LIX1L: variants seen among roughly 807,000 people sequenced by gnomAD.
The protein encoded by LIX1L is LIX1-like protein.
LIX1L carries 20 observed loss-of-function variants against 34.0 expected under a neutral mutation model. The observed-to-expected ratio is 0.59, with a 90% CI of 0.41 to 0.85. The LOEUF is 0.85. LIX1L is among the 40% of genes least tolerant of loss of function. The probability of loss-of-function intolerance (pLI) is 0.00; values close to 1 mark genes in which losing one functional copy is unlikely to be tolerated. For synonymous variants in LIX1L, 170 were observed against 187.4 expected (o/e 0.91, Z 0.76); for missense variants, 397 against 447.0 (o/e 0.89, Z 1.01).
At chr1:145,953,844 A>G (rs1649380001) in intron 1 of LIX1L, among the ~76,000 whole-genome samples, 1 of 152,168 alleles carries the variant, frequency 6.6e-6, no homozygotes, top group Non-Finnish European at 1.5e-5. Context: ...ACTTGAGGCC[A>G]GGAGTTCAAG....
At chr1:145,946,236 T>C (rs1649103122) in intron 2 of LIX1L, among the ~76,000 whole-genome samples, 1 of 150,292 alleles carries the variant, frequency 6.7e-6, no homozygotes, top group South Asian at 2.1e-4. Flanking sequence ...TCTCACTCTG[T>C]TGCCCAGGCT....
intron 2 of LIX1L, among the ~76,000 whole-genome samples, chr1:145,946,200 C>CT (rs5777570): frequency 0.14 from 19,786 of 137,994 alleles, 2,538 homozygotes; most frequent in African/African-American, 0.33. Flanking sequence ...GACTGAAGTT[C>CT]TTTTTTTTTT....
At position 145,948,050 on chromosome 1, in the gene LIX1L, A is replaced by G. The variant is rs1553759445; in HGVS notation, c.293-268T>C. On this transcript the variant is annotated intron_variant, in intron 1 of 5. Coordinates refer to ENST00000604000, the MANE Select transcript of LIX1L (RefSeq NM_153713.3). This position sits in a 1 kb window ranked among gnomAD's most constrained non-coding sequence, Gnocchi z 4.0. ...AAATTTTTTTTTCACTCCCACCTCCAATCTGAATAGTTCACATTTTAACTT... is the reference window on the plus strand; with the variant it reads ...AAATTTTTTTTTCACTCCCACCTCCGATCTGAATAGTTCACATTTTAACTT... Among the ~76,000 whole-genome samples, 1 of 152,156 alleles carries G rather than the reference A, an allele frequency of 6.6e-6. No homozygotes were observed. The highest frequency in any genetic ancestry group is 1.9e-4 in the East Asian group (1 of 5,206).
Position 145,948,874 on chromosome 1 carries a change from C to G in LIX1L, c.293-1092G>C, listed in dbSNP as rs1649196276. The stretch of plus-strand genomic sequence containing the variant: ...CTTGCTTCAGCTTGTTGTAAAATGG[C>G]AAGTTCCCCAAGCTGTGGGTTCTAT... On this transcript the variant is annotated intron_variant, in intron 1 of 5. Transcript: ENST00000604000. The surrounding 1 kb of genome is among the most constrained non-coding windows in gnomAD (Gnocchi z 4.0). 1 of 152,194 alleles carries G rather than the reference C, an allele frequency of 6.6e-6. No individual in the cohort carries two copies. The highest frequency in any genetic ancestry group is 1.5e-5 in the Non-Finnish European group (1 of 68,044). 9.4% of individuals were successfully genotyped at this position (152,194 alleles called of 1,614,324 possible).
chr1:145,957,714 C>T lies in LIX1L; in HGVS notation c.214G>A (p.Gly72Ser). 4.0e-6 allele frequency: 6 copies of T among 1,488,058 alleles called. No individual in the cohort carries two copies. Among genetic ancestry groups the T allele is most frequent in the Non-Finnish European group, 4.4e-6 (5 of 1,124,288 alleles). The allele number at this position is 1,488,058 out of a possible 1,614,324, so 92.2% of individuals were successfully genotyped here. The change falls in exon 1 of 6, where the codon GGC becomes AGC. Residue 72 changes from glycine to serine, a missense_variant. Around this residue, in one of 3 missense-constraint regions of LIX1L, gnomAD observed 207 missense variants for 205.2 expected, o/e 1.01. Transcript: ENST00000604000. ...GCCTCTCGCAGCACTGCCGGGCTGC[C>T]GGCGGCGCCGGGGGGCAGGGGTAGT... is the stretch of plus-strand genomic sequence containing the variant. ...PGLPLPPGAA[G>S]SPAVLREAVE...
At position 145,937,616 on chromosome 1, in the gene LIX1L, C is replaced by T; in HGVS notation, c.681G>A (p.Met227Ile). The change falls in exon 4 of 6, where the codon ATG becomes ATA. Residue 227 changes from methionine (M) to isoleucine (I), a missense_variant. Around this residue, in one of 3 missense-constraint regions of LIX1L, gnomAD observed 174 missense variants for 204.0 expected, o/e 0.85. Transcript: ENST00000604000. ...CATGGGAAAGTACCTGGAACTCCAA[C>T]ATTGATTTGCCCTTGTTGGATTCCA... ...FMLESNKGKS[M>I]LEFQELMTVF... is the part of the protein sequence containing the mutation. The T allele has an allele frequency of 6.2e-7, 1 of 1,612,146 alleles. No homozygotes were observed. The highest frequency in any genetic ancestry group is 8.5e-7 in the Non-Finnish European group (1 of 1,178,414).
Position 145,935,715 on chromosome 1 carries a change from A to G in LIX1L, c.*595T>C, listed in dbSNP as rs1648612889. On this transcript the variant is annotated 3_prime_UTR_variant, in exon 6 of 6. Transcript: ENST00000604000. Reference sequence around the variant, plus strand: ...TTTGTAATTTATCTTGTCCCTGGGCAGTTTCTTAGGAGGGGTTTCAGAAGC... The same window carrying G: ...TTTGTAATTTATCTTGTCCCTGGGCGGTTTCTTAGGAGGGGTTTCAGAAGC... The G allele has an allele frequency of 6.5e-6, 1 of 153,840 alleles. No homozygotes were observed. The highest frequency in any genetic ancestry group is 2.4e-5 in the African/African-American group (1 of 41,482). The allele number at this position is 153,840 out of a possible 1,614,324, so 9.5% of individuals were successfully genotyped here. A position where few individuals can be genotyped will look rare whatever the true frequency, so the allele number is the denominator to read the frequency against.
rs371495713 is a variant in LIX1L at position 145,942,937 on chromosome 1, T to C, written c.457-84A>G. On this transcript the variant is annotated intron_variant, in intron 2 of 5. Coordinates refer to ENST00000604000, the MANE Select transcript of LIX1L (RefSeq NM_153713.3). ...AACAGTGGGAGGGAAACACTTCAGA[T>C]AGAAAACACTTGGACGCTCTTTGGA... 45 of 1,323,104 alleles carry C rather than the reference T, an allele frequency of 3.4e-5. No individual in the cohort carries two copies. In the Admixed American group the frequency reaches 3.4e-4, roughly 10 times the overall value. The allele number at this position is 1,323,104 out of a possible 1,614,324, so 82.0% of individuals were successfully genotyped here.
At chr1:145,951,714 C>T (rs587737090) in intron 1 of LIX1L, among the ~76,000 whole-genome samples, 1 of 152,308 alleles carries the variant, frequency 6.6e-6, no homozygotes, top group East Asian at 1.9e-4. Flanking sequence ...CTCCAGTTCC[C>T]TCTTTGAGAC....
In LIX1L at chr1:145,947,728, G is replaced by GCACCAC; in HGVS notation, c.341_346dup (p.Gly115_Ala116insGlyGly). ...CACTAGAGCCCCATTCTTTAAGTCA[G>GCACCAC]CACCACGGGACTGCTTCATCTGCCA... On this transcript the variant is annotated inframe_insertion, in exon 2 of 6. Coordinates refer to ENST00000604000, the MANE Select transcript of LIX1L (RefSeq NM_153713.3). The GCACCAC allele has an allele frequency of 6.2e-7, 1 of 1,614,106 alleles. No individual in the cohort carries two copies. The highest frequency in any genetic ancestry group is 8.5e-7 in the Non-Finnish European group (1 of 1,180,012).
At chr1:145,954,484 T>C (rs950080497) in intron 1 of LIX1L, among the ~76,000 whole-genome samples, 4 of 152,166 alleles carry the variant, frequency 2.6e-5, no homozygotes, top group Non-Finnish European at 4.4e-5. Flanking sequence ...TAGAAAATAC[T>C]ACACAAGATT....
chr1:145,936,102 G>A lies in LIX1L; in HGVS notation c.*208C>T, dbSNP rs1648629134. 3.5e-6 allele frequency: 2 copies of A among 575,778 alleles called. No individual in the cohort carries two copies. Among genetic ancestry groups the A allele is most frequent in the African/African-American group, 3.8e-5 (2 of 53,200 alleles). 35.7% of individuals were successfully genotyped at this position (575,778 alleles called of 1,614,324 possible). A position where few individuals can be genotyped will look rare whatever the true frequency, so the allele number is the denominator to read the frequency against. On this transcript the variant is annotated 3_prime_UTR_variant, in exon 6 of 6. Coordinates refer to ENST00000604000, the MANE Select transcript of LIX1L (RefSeq NM_153713.3). ...GCTGCTCTTTGTTGTAAAGTGGACT[G>A]AAGATGTTTCAAATAAAACTACATC...
chr1:145,949,243 G>T (rs1348209763), intron 1 of LIX1L, among the ~76,000 whole-genome samples: 5 of 152,150 alleles, frequency 3.3e-5, no homozygotes, highest in Non-Finnish European at 5.9e-5. Flanking sequence ...TCAAACAAAT[G>T]TAAAATTGCA....
intron 1 of LIX1L, among the ~76,000 whole-genome samples, chr1:145,955,227 G>A (rs1553760244): frequency 1.3e-5 from 2 of 152,222 alleles, no homozygotes; most frequent in Non-Finnish European, 2.9e-5. Context: ...AACTTATCAA[G>A]ATCCTACAGA....
intron 1 of LIX1L, among the ~76,000 whole-genome samples, chr1:145,957,384 A>G (rs1380685439): frequency 6.6e-6 from 1 of 152,238 alleles, no homozygotes; most frequent in Non-Finnish European, 1.5e-5. Flanking sequence ...AGAAAAGCTT[A>G]GGAAGAAAAG....
chr1:145,957,832 C>G lies in LIX1L; in HGVS notation c.96G>C (p.Ala32=), dbSNP rs782347425. The G allele has an allele frequency of 2.0e-4, 286 of 1,404,392 alleles. No individual in the cohort carries two copies. Among genetic ancestry groups the G allele is most frequent in the Middle Eastern group, 2.5e-4 (1 of 3,934 alleles). 87.0% of individuals were successfully genotyped at this position (1,404,392 alleles called of 1,614,324 possible). A position where few individuals can be genotyped will look rare whatever the true frequency, so the allele number is the denominator to read the frequency against. The change falls in exon 1 of 6, where the codon GCG becomes GCC. Residue 32 remains alanine (A), a synonymous_variant. Transcript: ENST00000604000. ...RALRPGVTGA[A]AATATPPAGP... ...CCGCAGGGGGTGTGGCGGTGGCGGC[C>G]GCGGCCCCAGTCACTCCGGGCCGCA...
intron 1 of LIX1L, among the ~76,000 whole-genome samples, chr1:145,956,929 T>C (rs1305274810): frequency 2.0e-5 from 3 of 152,192 alleles, no homozygotes; most frequent in South Asian, 2.1e-4. Flanking sequence ...CTGGGATTTA[T>C]CCTCAGTTCC....
chr1:145,954,385 A>T (rs1244028607), intron 1 of LIX1L, among the ~76,000 whole-genome samples: 1 of 152,216 alleles, frequency 6.6e-6, no homozygotes, highest in African/African-American at 2.4e-5. Flanking sequence ...CAGCATTTCC[A>T]AAAATTGGAA....
rs1352643185 is a variant in LIX1L at position 145,950,896 on chromosome 1, TGTTA to T, written c.293-3118_293-3115del. On this transcript the variant is annotated intron_variant, in intron 1 of 5. Coordinates refer to ENST00000604000, the MANE Select transcript of LIX1L (RefSeq NM_153713.3). ...ACCCAGAGTGGGCAGTGGCTGAGGC[TGTTA>T]GTTATGCTCCCTGCAGCAGGCAATG... 2.0e-5 allele frequency among the ~76,000 whole-genome samples: 3 copies of T among 152,246 alleles called. No homozygotes were observed. In the East Asian group the frequency reaches 5.8e-4, roughly 29 times the overall value.
Sources: gnomAD v4.1 joint callset for allele counts (sites outside exome capture counted in the v4.1 genomes callset) on GRCh38, gnomAD v4.1.1 for gene constraint, gnomAD v4.1.1 regional missense constraint, Gnocchi (gnomAD v3.1) non-coding constraint, MANE v1.5 for transcripts, NCBI Gene and HGNC (gene_info 2026-07-23, HGNC 2026-07-21) for gene names.